RNLS: variants seen among roughly 807,000 people sequenced by gnomAD.
The protein encoded by RNLS is renalase.
A neutral mutation model predicts 39.8 loss-of-function variants in RNLS; 39 were observed. That is an observed-to-expected ratio of 0.98 (90% CI 0.76 to 1.28). RNLS has a LOEUF of 1.28. Among genes scored for constraint, RNLS ranks in the 50% most tolerant of loss-of-function variants. The pLI is 0.00. For missense variants in RNLS, 410 were observed against 413.3 expected (o/e 0.99, Z 0.07); for synonymous variants, 147 against 150.7 (o/e 0.98, Z 0.18).
intron 4 of RNLS, among the ~76,000 whole-genome samples, chr10:88,363,450 A>G (rs1312297524): frequency 6.6e-6 from 1 of 152,156 alleles, no homozygotes; most frequent in East Asian, 1.9e-4. Context: ...ACATACACAC[A>G]TGCACACAAA....
chr10:88,387,622 T>A (rs1419268929), intron 4 of RNLS, among the ~76,000 whole-genome samples: 2 of 152,102 alleles, frequency 1.3e-5, no homozygotes, highest in African/African-American at 4.8e-5. Flanking sequence ...CTTTTACATG[T>A]AATCATTGAT....
At chr10:88,393,630 T>G (rs989675596) in intron 4 of RNLS, among the ~76,000 whole-genome samples, 37 of 152,174 alleles carry the variant, frequency 2.4e-4, no homozygotes, top group Non-Finnish European at 4.3e-4. Flanking sequence ...AGGTAATTTA[T>G]AGATTCAATG....
chr10:88,273,201 T>C (rs1390586531), downstream of RNLS, among the ~76,000 whole-genome samples: 1 of 152,250 alleles, frequency 6.6e-6, no homozygotes, highest in Non-Finnish European at 1.5e-5. Flanking sequence ...ACTTTCCTAC[T>C]GCTGCTAGTC....
At chr10:88,537,215 C>G (rs934144836) in intron 4 of RNLS, among the ~76,000 whole-genome samples, 2 of 152,122 alleles carry the variant, frequency 1.3e-5, no homozygotes, top group Non-Finnish European at 1.5e-5. Context: ...TGTTAAGCTT[C>G]TATGCTTTAG....
At chr10:88,470,147 T>C (rs146362896) in intron 4 of RNLS, among the ~76,000 whole-genome samples, 1 of 152,050 alleles carries the variant, frequency 6.6e-6, no homozygotes, top group African/African-American at 2.4e-5. Flanking sequence ...TTATTTTTAA[T>C]TTCAGTTCTC....
chr10:88,176,882 T>G, the RNLS span, among the ~76,000 whole-genome samples: 1 of 152,258 alleles, frequency 6.6e-6, no homozygotes, highest in Admixed American at 6.5e-5. Flanking sequence ...TAGTCTTGTT[T>G]TACAGTGTTC....
At chr10:88,434,239 T>C (rs1424510359) in intron 4 of RNLS, among the ~76,000 whole-genome samples, 1 of 152,198 alleles carries the variant, frequency 6.6e-6, no homozygotes, top group Non-Finnish European at 1.5e-5. Context: ...TGTAGTCATA[T>C]CGAAAACAAG....
In RNLS at chr10:88,550,378, A is replaced by C. The variant is rs901946908; in HGVS notation, c.526+22525T>G. The stretch of plus-strand genomic sequence containing the variant: ...CCACAGAAGAGTACAAATTGAGGGA[A>C]TCTAATTTTCTCCTATTTGTCTGCA... On this transcript the variant is annotated intron_variant, in intron 4 of 6. Coordinates refer to ENST00000331772, the MANE Select transcript of RNLS (RefSeq NM_001031709.3). Among the ~76,000 whole-genome samples, 4 of 152,326 alleles carry C rather than the reference A, an allele frequency of 2.6e-5. No homozygotes were observed. In the South Asian group the frequency reaches 8.3e-4, roughly 32 times the overall value.
chr10:88,400,654 T>A (rs1307167496), intron 4 of RNLS, among the ~76,000 whole-genome samples: 1 of 152,056 alleles, frequency 6.6e-6, no homozygotes, highest in Non-Finnish European at 1.5e-5. Flanking sequence ...AACTTCCTTA[T>A]GTGTTAAGAA....
At position 88,469,860 on chromosome 10, in the gene RNLS, T is replaced by C. The variant is rs142321832; in HGVS notation, c.526+103043A>G. Reference sequence around the variant, plus strand: ...GTGTGTGTGTGTGTGTGTGTGTGTGTGCTTTGCTCCACTTTCTAAATTTCT... The same window carrying C: ...GTGTGTGTGTGTGTGTGTGTGTGTGCGCTTTGCTCCACTTTCTAAATTTCT... On this transcript the variant is annotated intron_variant, in intron 4 of 6. Coordinates refer to ENST00000331772, the MANE Select transcript of RNLS (RefSeq NM_001031709.3). Among the ~76,000 whole-genome samples, 1,241 of 148,518 alleles carry C rather than the reference T, an allele frequency of 8.4e-3. 18 individuals carry two copies. The highest frequency in any genetic ancestry group is 0.033 in the East Asian group (164 of 5,032).
At chr10:88,333,027 C>T (rs896899606) in intron 5 of RNLS, among the ~76,000 whole-genome samples, 1 of 152,130 alleles carries the variant, frequency 6.6e-6, no homozygotes, top group African/African-American at 2.4e-5. Flanking sequence ...AATTCTGTCT[C>T]CCTACTCCCT....
At chr10:88,461,132 C>T (rs186966620) in intron 4 of RNLS, among the ~76,000 whole-genome samples, 2 of 152,186 alleles carry the variant, frequency 1.3e-5, no homozygotes, top group East Asian at 3.9e-4. Flanking sequence ...GCCAATCTGC[C>T]CTTAGCTTTT....
intron 4 of RNLS, among the ~76,000 whole-genome samples, chr10:88,484,651 G>A (rs756401948): frequency 1.4e-4 from 22 of 151,884 alleles, no homozygotes; most frequent in East Asian, 5.8e-4. Flanking sequence ...AAAACAAAGT[G>A]CCTGGATAAT....
intron 4 of RNLS, among the ~76,000 whole-genome samples, chr10:88,437,984 G>A (rs1179131192): frequency 6.6e-6 from 1 of 152,056 alleles, no homozygotes; most frequent in Non-Finnish European, 1.5e-5. Context: ...AAATTAGCTG[G>A]GCGTGGTAGC....
the RNLS span, among the ~76,000 whole-genome samples, chr10:88,214,850 ATTATC>A: frequency 6.6e-6 from 1 of 152,178 alleles, no homozygotes; most frequent in Non-Finnish European, 1.5e-5. Context: ...AGTGGTTAGT[ATTATC>A]TTAAATGTGA....
At chr10:88,398,298 T>C (rs933505856) in intron 4 of RNLS, among the ~76,000 whole-genome samples, 1 of 152,034 alleles carries the variant, frequency 6.6e-6, no homozygotes, top group South Asian at 2.1e-4. Context: ...AGATGTAGGA[T>C]TGGCTACTTT....
the RNLS span, among the ~76,000 whole-genome samples, chr10:88,202,068 A>G: frequency 6.6e-6 from 1 of 152,064 alleles, no homozygotes; most frequent in Non-Finnish European, 1.5e-5. Context: ...TCAACGATAG[A>G]TTGGATTAAG....
intron 4 of RNLS, among the ~76,000 whole-genome samples, chr10:88,572,034 G>A (rs755685361): frequency 2.0e-5 from 3 of 152,156 alleles, no homozygotes; most frequent in Non-Finnish European, 4.4e-5. Flanking sequence ...TCTGGTGGCA[G>A]TGCACCAGGA....
the RNLS span, among the ~76,000 whole-genome samples, chr10:88,217,088 G>T: frequency 6.6e-6 from 1 of 152,130 alleles, no homozygotes; most frequent in Non-Finnish European, 1.5e-5. Context: ...AAACAGATTG[G>T]TTTTCAAACA....
Sources: allele counts gnomAD v4.1 joint callset (sites outside exome capture counted in the v4.1 genomes callset), GRCh38; gene constraint gnomAD v4.1.1; transcripts MANE v1.5; gene names NCBI Gene and HGNC (gene_info 2026-07-23, HGNC 2026-07-21).